Variants in CHST13 observed in about 807,000 individuals in gnomAD.
The protein encoded by CHST13 is C4ST-3.
CHST13 carries 1 observed loss-of-function variant against 7.0 expected under a neutral mutation model. That is an observed-to-expected ratio of 0.14 (90% CI 0.05 to 0.68). The LOEUF (loss-of-function observed/expected upper bound fraction) is 0.68, where lower values mean the gene tolerates loss of function less well. CHST13 is among the 30% of genes least tolerant of loss of function. The probability of loss-of-function intolerance (pLI) is 0.82; values close to 1 mark genes in which losing one functional copy is unlikely to be tolerated. For synonymous variants in CHST13, 257 were observed against 240.9 expected, an observed-to-expected ratio of 1.07 and a Z score of -0.62; for missense variants, 572 against 507.9, an observed-to-expected ratio of 1.13 and a Z score of -1.21.
chr3:126,528,464 G>A (rs1431227016), intron 1 of CHST13, among the ~76,000 whole-genome samples: 2 of 152,220 alleles, frequency 1.3e-5, no homozygotes, highest in Non-Finnish European at 2.9e-5. Context: ...GTGCACTGGT[G>A]GGCCTTGGGG....
chr3:126,524,223 C>G lies in CHST13; in HGVS notation c.-110C>G, dbSNP rs1039128334. The G allele has an allele frequency of 5.7e-6, 5 of 875,458 alleles. No individual in the cohort carries two copies. The African/African-American group carries it at 8.8e-5, about 15-fold the overall frequency. The allele number at this position is 875,458 out of a possible 1,614,324, so 54.2% of individuals were successfully genotyped here. ...TGCCGTGCTCCCCTGCCCTGCGCCG[C>G]GCCGCGCGTCTTGGTAGGCGCTGCG... On this transcript the variant is annotated 5_prime_UTR_variant, in exon 1 of 3. Transcript: ENST00000319340.
intron 2 of CHST13, among the ~76,000 whole-genome samples, chr3:126,539,709 A>G (rs1936891058): frequency 1.1e-5 from 1 of 89,334 alleles, no homozygotes; most frequent in African/African-American, 4.6e-5. Flanking sequence ...CCACACACAT[A>G]TGCCACACAC....
In CHST13 at chr3:126,541,622, G is replaced by A. The variant is rs576121588; in HGVS notation, c.181-111G>A. On this transcript the variant is annotated intron_variant, in intron 2 of 2. Coordinates refer to ENST00000319340, the MANE Select transcript of CHST13 (RefSeq NM_152889.3). The stretch of plus-strand genomic sequence containing the variant: ...CCCTGGGGTTCGAATTTGGGTGCCC[G>A]GCGCAGCTCCTGCTCCCAATTCCCG... 3.0e-4 allele frequency: 322 copies of A among 1,074,252 alleles called. 1 individual carries two copies. The highest frequency in any genetic ancestry group is 1.9e-3 in the Middle Eastern group (6 of 3,200). The allele number at this position is 1,074,252 out of a possible 1,614,324, so 66.5% of individuals were successfully genotyped here. A position where few individuals can be genotyped will look rare whatever the true frequency, so the allele number is the denominator to read the frequency against.
intron 2 of CHST13, among the ~76,000 whole-genome samples, chr3:126,539,688 CCA>C (rs1341721743): frequency 2.0e-4 from 26 of 130,932 alleles, no homozygotes; most frequent in African/African-American, 6.4e-4. Context: ...ACCACAGACA[CCA>C]CACACACACC....
intron 1 of CHST13, among the ~76,000 whole-genome samples, chr3:126,531,877 C>T (rs747853304): frequency 1.2e-4 from 19 of 152,150 alleles, no homozygotes; most frequent in Admixed American, 5.2e-4. Context: ...TTTAAGAAAC[C>T]ACCAAACTGT....
At chr3:126,530,682 C>T (rs1936639062) in intron 1 of CHST13, among the ~76,000 whole-genome samples, 1 of 152,268 alleles carries the variant, frequency 6.6e-6, no homozygotes, top group Non-Finnish European at 1.5e-5. Flanking sequence ...GGTCTCCCTG[C>T]ACCAGCATGA....
chr3:126,525,286 C>A (rs1464916537), intron 1 of CHST13, among the ~76,000 whole-genome samples: 1 of 152,138 alleles, frequency 6.6e-6, no homozygotes, highest in East Asian at 1.9e-4. Flanking sequence ...TGGGCCCCAC[C>A]CTTGGAACCT....
intron 1 of CHST13, among the ~76,000 whole-genome samples, chr3:126,525,773 A>G (rs1936525962): frequency 6.6e-6 from 1 of 152,078 alleles, no homozygotes; most frequent in Admixed American, 6.5e-5. Flanking sequence ...AGGAGCATAC[A>G]TCTTTGAGTG....
intron 1 of CHST13, 63 bp from the exon 2 acceptor site, chr3:126,536,208 A>G: frequency 6.8e-7 from 1 of 1,477,580 alleles, no homozygotes. Context: ...GGGTTGGCCA[A>G]ACCCCCAGGT....
At position 126,524,414 on chromosome 3, in the gene CHST13, C is replaced by T; in HGVS notation, c.82C>T (p.Arg28Cys). 3.4e-6 allele frequency: 4 copies of T among 1,170,956 alleles called. No homozygotes were observed. Among genetic ancestry groups the T allele is most frequent in the Non-Finnish European group, 4.3e-6 (4 of 933,740 alleles). 72.5% of individuals were successfully genotyped at this position (1,170,956 alleles called of 1,614,324 possible). A position where few individuals can be genotyped will look rare whatever the true frequency, so the allele number is the denominator to read the frequency against. Residue 28 changes from arginine (R) to cysteine (C), a missense_variant, in exon 1 of 3, where the codon CGC becomes TGC. Physicochemically the swap from Arg to Cys is radical, Grantham distance 180. Transcript: ENST00000319340. ...GCTCCTGCTCCTATGCGCCGCGCCC[C>T]GCTCCCTGCGCCCGGGTGAGTGCCC... is the stretch of plus-strand genomic sequence containing the variant. ...AALLLLCAAP[R>C]SLRPAFGNRA...
At chr3:126,541,360 C>T (rs893461378) in intron 2 of CHST13, among the ~76,000 whole-genome samples, 1 of 152,294 alleles carries the variant, frequency 6.6e-6, no homozygotes, top group East Asian at 1.9e-4. Context: ...AATTAAACAG[C>T]GCTGCTTCTT....
chr3:126,524,250 T>G lies in CHST13; in HGVS notation c.-83T>G, dbSNP rs1175591169. 2 of 1,092,776 alleles carry G rather than the reference T, an allele frequency of 1.8e-6. No individual in the cohort carries two copies. Among genetic ancestry groups the G allele is most frequent in the Non-Finnish European group, 2.3e-6 (2 of 871,490 alleles). The allele number at this position is 1,092,776 out of a possible 1,614,324, so 67.7% of individuals were successfully genotyped here. On this transcript the variant is annotated 5_prime_UTR_variant, in exon 1 of 3. Transcript: ENST00000319340. ...CCGCGCGTCTTGGTAGGCGCTGCGC[T>G]GCCGGGGCCGGGTCCTGGGCCAGTG...
In CHST13 at chr3:126,541,870, C is replaced by A; in HGVS notation, c.318C>A (p.Gly106=). The change falls in exon 3 of 3, where the codon GGC becomes GGA. Residue 106 remains glycine, a synonymous_variant. Coordinates refer to ENST00000319340, the MANE Select transcript of CHST13 (RefSeq NM_152889.3). ...ACGTGCTGGTGGACGACGCGCATGG[C>A]CTGCTCTACTGCTACGTGCCCAAGG... ...LRHVLVDDAH[G]LLYCYVPKVA... 6.3e-7 allele frequency: 1 copy of A among 1,596,806 alleles called. No individual in the cohort carries two copies. The highest frequency in any genetic ancestry group is 8.5e-7 in the Non-Finnish European group (1 of 1,172,326).
chr3:126,542,486 A>G lies in CHST13; in HGVS notation c.934A>G (p.Ser312Gly). Reference sequence around the variant, plus strand: ...GGCAGCGCGCCTCTTCCGGGACATCAGCCCCTTCTACCAGCGGCGCCTCTT... The same window carrying G: ...GGCAGCGCGCCTCTTCCGGGACATCGGCCCCTTCTACCAGCGGCGCCTCTT... ...DLAARLFRDI[S>G]PFYQRRLFDL... Residue 312 changes from serine to glycine, a missense_variant, in exon 3 of 3, where the codon AGC (serine) becomes GGC (glycine). Transcript: ENST00000319340. The G allele has an allele frequency of 6.3e-7, 1 of 1,581,690 alleles. No individual in the cohort carries two copies. The highest frequency in any genetic ancestry group is 8.6e-7 in the Non-Finnish European group (1 of 1,167,636).
chr3:126,533,207 C>A (rs760185806), intron 1 of CHST13, among the ~76,000 whole-genome samples: 2 of 152,082 alleles, frequency 1.3e-5, no homozygotes, highest in Non-Finnish European at 1.5e-5. Flanking sequence ...TACTTTCCAA[C>A]CTGGATGCCT....
Position 126,524,212 on chromosome 3 carries a change from GC to G in CHST13, c.-118del. ...TGGGGTCCAGCTGCCGTGCTCCCCT[GC>G]CCTGCGCCGCGCCGCGCGTCTTGGT... is the stretch of plus-strand genomic sequence containing the variant. On this transcript the variant is annotated 5_prime_UTR_variant, in exon 1 of 3. Transcript: ENST00000319340. 1.3e-6 allele frequency: 1 copy of G among 746,334 alleles called. No homozygotes were observed. Among genetic ancestry groups the G allele is most frequent in the Non-Finnish European group, 1.8e-6 (1 of 557,998 alleles). The allele number at this position is 746,334 out of a possible 1,614,324, so 46.2% of individuals were successfully genotyped here.
At chr3:126,526,235 G>GAC (rs1211867186) in intron 1 of CHST13, among the ~76,000 whole-genome samples, 97 of 152,350 alleles carry the variant, frequency 6.4e-4, no homozygotes, top group East Asian at 7.7e-4. Flanking sequence ...GACTATGCTT[G>GAC]TGGGCCTGCA....
At chr3:126,537,094 C>G (rs1936812701) in intron 2 of CHST13, among the ~76,000 whole-genome samples, 1 of 152,178 alleles carries the variant, frequency 6.6e-6, no homozygotes, top group Non-Finnish European at 1.5e-5. Context: ...CACACTAATA[C>G]TTAACTAATT....
chr3:126,536,923 A>ACACACACC (rs557001264), intron 2 of CHST13, among the ~76,000 whole-genome samples: 1 of 141,458 alleles, frequency 7.1e-6, no homozygotes, highest in African/African-American at 2.8e-5. Context: ...ACACACACAC[A>ACACACACC]CCCCACACAC....
Sources: gnomAD v4.1 joint callset for allele counts (sites outside exome capture counted in the v4.1 genomes callset) on GRCh38, gnomAD v4.1.1 for gene constraint, MANE v1.5 for transcripts, NCBI Gene and HGNC (gene_info 2026-07-23, HGNC 2026-07-21) for gene names.